The following DNAAF4 variants were observed in gnomAD, a reference collection of about 807,000 sequenced individuals.
The protein encoded by DNAAF4 is dynein assembly factor 4, axonemal.
In DNAAF4, 43 loss-of-function variants were observed where a neutral mutation model predicts 51.8. That is an observed-to-expected ratio of 0.83 (90% CI 0.65 to 1.07). The LOEUF is 1.07. Among genes scored for constraint, DNAAF4 ranks in the 50% least tolerant of loss-of-function variants. The pLI is 0.00. For synonymous variants in DNAAF4, 194 were observed against 165.6 expected (o/e 1.17, Z -1.32); for missense variants, 581 against 493.0 (o/e 1.18, Z -1.69).
intron 4 of DNAAF4, among the ~76,000 whole-genome samples, chr15:55,483,801 C>T (rs894362754): frequency 1.5e-5 from 2 of 130,818 alleles, no homozygotes; most frequent in Non-Finnish European, 1.5e-5. Flanking sequence ...GCTGGGATTA[C>T]AGGCATGAGC....
At chr15:55,418,474 T>C (rs2057357524) in intron 7 of DNAAF4, 2 of 1,527,126 alleles carry the variant, frequency 1.3e-6, no homozygotes, top group Non-Finnish European at 1.8e-6. Context: ...TTTCAAGCCA[T>C]ATCAGAGCAA....
chr15:55,488,293 G>A (rs1349051776), intron 4 of DNAAF4, among the ~76,000 whole-genome samples: 2 of 152,092 alleles, frequency 1.3e-5, no homozygotes, highest in Non-Finnish European at 2.9e-5. Flanking sequence ...ATAGCGAATT[G>A]ACACAGCCCC....
At position 55,434,934 on chromosome 15, in the gene DNAAF4, A is replaced by C. The variant is rs2057583729; in HGVS notation, c.1018T>G (p.Leu340Val). The change falls in exon 8 of 10, where the codon TTA (leucine) becomes GTA (valine). Residue 340 changes from leucine to valine, a missense_variant. Transcript: ENST00000321149. ...RAACHLKLKN[L>V]HKAIEDSSKA... ...GAAGAATCTTCAATAGCCTTGTGTA[A>C]GTTTTTTAGTTTTAGGTGGCAAGCA... The C allele has an allele frequency of 6.2e-7, 1 of 1,611,982 alleles. No homozygotes were observed. The highest frequency in any genetic ancestry group is 2.2e-5 in the East Asian group (1 of 44,814).
At chr15:55,469,474 C>CTTTTT (rs1162485238) in intron 4 of DNAAF4, among the ~76,000 whole-genome samples, 1,900 of 66,276 alleles carry the variant, frequency 0.029, 715 homozygotes, top group African/African-American at 0.089. Flanking sequence ...CTTACCAATT[C>CTTTTT]TTTTTTTTTT....
At chr15:55,500,831 A>G (rs1262973190) in intron 1 of DNAAF4, among the ~76,000 whole-genome samples, 1 of 151,804 alleles carries the variant, frequency 6.6e-6, no homozygotes, top group East Asian at 2.0e-4. Flanking sequence ...CGTTTCTACT[A>G]AAAATACAAA....
intron 5 of DNAAF4, among the ~76,000 whole-genome samples, chr15:55,451,112 G>C (rs2057925735): frequency 6.6e-6 from 1 of 151,994 alleles, no homozygotes; most frequent in South Asian, 2.1e-4. Context: ...ACAAACAAAC[G>C]AAAACTAGGA....
At chr15:55,446,165 G>T (rs12913182) in intron 6 of DNAAF4, among the ~76,000 whole-genome samples, 2 of 123,810 alleles carry the variant, frequency 1.6e-5, no homozygotes, top group East Asian at 2.9e-4. Context: ...GGGCAGAGGC[G>T]CTCCTCACCT....
At chr15:55,495,677 A>G (rs899642541) in intron 3 of DNAAF4, among the ~76,000 whole-genome samples, 2 of 152,188 alleles carry the variant, frequency 1.3e-5, no homozygotes, top group African/African-American at 2.4e-5. Flanking sequence ...TGAGGTTACA[A>G]TGAGCTATGG....
At chr15:55,435,081 G>T (rs370330848) in intron 7 of DNAAF4, 23 bp from the exon 8 acceptor site, 1 of 1,562,544 alleles carries the variant, frequency 6.4e-7, no homozygotes, top group Non-Finnish European at 8.6e-7. Context: ...AAACAGAGAA[G>T]AAAAACAATT....
chr15:55,443,742 G>A (rs1410337406), intron 6 of DNAAF4, among the ~76,000 whole-genome samples: 110 of 150,804 alleles, frequency 7.3e-4, no homozygotes, highest in African/African-American at 2.5e-3. Flanking sequence ...CGCCATTCTA[G>A]CTGGTGTGAG....
At chr15:55,452,760 G>A (rs921745274) in intron 5 of DNAAF4, among the ~76,000 whole-genome samples, 4 of 152,144 alleles carry the variant, frequency 2.6e-5, no homozygotes, top group Admixed American at 2.0e-4. Context: ...CGAACTTAAA[G>A]CCAGGGTCAT....
Position 55,465,393 on chromosome 15 carries a change from TACACACAC to T in DNAAF4, c.637+1529_637+1536del, listed in dbSNP as rs61176405. The stretch of plus-strand genomic sequence containing the variant: ...AGATAAAGAAAATATGGTGTATATA[TACACACAC>T]ACACACACACACACACACACAGACA... On this transcript the variant is annotated intron_variant, in intron 5 of 9. Coordinates refer to ENST00000321149, the MANE Select transcript of DNAAF4 (RefSeq NM_130810.4). Among the ~76,000 whole-genome samples the T allele has an allele frequency of 1.6e-3, 241 of 149,800 alleles. 1 individual carries two copies. Among genetic ancestry groups the T allele is most frequent in the African/African-American group, 5.8e-3 (235 of 40,732 alleles).
intron 5 of DNAAF4, among the ~76,000 whole-genome samples, chr15:55,458,976 T>G (rs1173235592): frequency 6.6e-6 from 1 of 151,060 alleles, no homozygotes; most frequent in Non-Finnish European, 1.5e-5. Context: ...CTCAGGAGGC[T>G]GAGGCAGGAG....
At chr15:55,490,872 T>A (rs1322563741) in intron 4 of DNAAF4, 1 of 290,212 alleles carries the variant, frequency 3.4e-6, no homozygotes, top group Non-Finnish European at 6.3e-6. Context: ...GAGAATGGCA[T>A]GAACCCGGGA....
chr15:55,489,780 A>G (rs2058544749), intron 4 of DNAAF4, among the ~76,000 whole-genome samples: 1 of 152,094 alleles, frequency 6.6e-6, no homozygotes, highest in African/African-American at 2.4e-5. Context: ...ATGAAAATCC[A>G]AAAAACAGTC....
At chr15:55,418,578 T>C (rs1172693270) in intron 7 of DNAAF4, 3 of 1,401,506 alleles carry the variant, frequency 2.1e-6, no homozygotes, top group Non-Finnish European at 9.5e-7. Context: ...TGAAAATATA[T>C]TCCTTTGTAT....
chr15:55,419,397 T>TG (rs949081552), intron 7 of DNAAF4, among the ~76,000 whole-genome samples: 1 of 149,942 alleles, frequency 6.7e-6, no homozygotes, highest in African/African-American at 2.5e-5. Flanking sequence ...AGCTAATTTG[T>TG]GGGGTGTGTG....
chr15:55,492,280 GA>G (rs11312285), intron 3 of DNAAF4, among the ~76,000 whole-genome samples: 33,826 of 141,168 alleles, frequency 0.24, 8,043 homozygotes, highest in African/African-American at 0.62. Flanking sequence ...CCTTTAAGCA[GA>G]AAAAAAAAAA....
At chr15:55,427,646 T>A (rs928486244), downstream of DNAAF4, among the ~76,000 whole-genome samples, 1 of 151,226 alleles carries the variant, frequency 6.6e-6, no homozygotes. Flanking sequence ...GACTTCTTTT[T>A]TTTTTTGAGA....
Sources: gnomAD v4.1 joint callset for allele counts (sites outside exome capture counted in the v4.1 genomes callset) on GRCh38, gnomAD v4.1.1 for gene constraint, MANE v1.5 for transcripts, NCBI Gene and HGNC (gene_info 2026-07-23, HGNC 2026-07-21) for gene names.